Variants in KIF5C observed in about 807,000 individuals in gnomAD.
KIF5C encodes the protein kinesin family member 5C.
Under a neutral mutation model 125.2 loss-of-function variants are expected in KIF5C, and 18 were observed. The observed-to-expected ratio is 0.14, with a 90% CI of 0.10 to 0.21. The LOEUF is 0.21. Among genes scored for constraint, KIF5C ranks in the 10% least tolerant of loss-of-function variants. The probability of loss-of-function intolerance (pLI) is 1.00; values close to 1 mark genes in which losing one functional copy is unlikely to be tolerated. For synonymous variants in KIF5C, 405 were observed against 434.0 expected (o/e 0.93, Z 0.83); for missense variants, 780 against 1,183.8 (o/e 0.66, Z 5.01).
chr2:148,882,680 G>T (rs1205645642), intron 1 of KIF5C, among the ~76,000 whole-genome samples: 1 of 152,056 alleles, frequency 6.6e-6, no homozygotes, highest in African/African-American at 2.4e-5. Context: ...GCTTTGGAAG[G>T]GCATCCATTC....
intron 23 of KIF5C, 83 bp downstream of exon 23, chr2:149,008,150 A>C: frequency 6.9e-7 from 1 of 1,445,670 alleles, no homozygotes; most frequent in African/African-American, 1.4e-5. Context: ...CAGTGTGCGG[A>C]GAAGGCACTG....
intron 4 of KIF5C, among the ~76,000 whole-genome samples, chr2:148,938,064 G>T (rs1402351089): frequency 1.3e-5 from 2 of 152,164 alleles, no homozygotes; most frequent in East Asian, 3.9e-4. Flanking sequence ...TTAAAAGAGA[G>T]ATTTCTACTC....
chr2:148,954,461 T>G (rs1288237570), intron 10 of KIF5C, among the ~76,000 whole-genome samples: 1 of 152,242 alleles, frequency 6.6e-6, no homozygotes, highest in Non-Finnish European at 1.5e-5. Context: ...TTTAGAAGTG[T>G]GAACTCAAAT....
At chr2:148,938,593 C>A (rs1335103552) in intron 4 of KIF5C, among the ~76,000 whole-genome samples, 1 of 152,172 alleles carries the variant, frequency 6.6e-6, no homozygotes. Flanking sequence ...ATTGGCCCAG[C>A]CTACATAGGT....
chr2:148,989,529 A>G (rs1681471061), intron 15 of KIF5C, among the ~76,000 whole-genome samples: 1 of 152,216 alleles, frequency 6.6e-6, no homozygotes, highest in Non-Finnish European at 1.5e-5. Context: ...ATTGAGTGGC[A>G]TATCTACTTT....
At chr2:148,954,755 T>C in intron 10 of KIF5C, among the ~76,000 whole-genome samples, 1 of 152,194 alleles carries the variant, frequency 6.6e-6, no homozygotes, top group East Asian at 1.9e-4. Flanking sequence ...CATCTGCCAG[T>C]TTAGTGGTAG....
At chr2:148,938,336 A>G (rs1003071020) in intron 4 of KIF5C, among the ~76,000 whole-genome samples, 2 of 152,168 alleles carry the variant, frequency 1.3e-5, no homozygotes, top group African/African-American at 2.4e-5. Context: ...GTATAGTTTG[A>G]TGGTTTTTAA....
Position 148,997,274 on chromosome 2 carries a change from C to G in KIF5C, c.2034C>G (p.His678Gln). 6 of 1,612,192 alleles carry G rather than the reference C, an allele frequency of 3.7e-6. No homozygotes were observed. The highest frequency in any genetic ancestry group is 5.1e-6 in the Non-Finnish European group (6 of 1,178,492). Residue 678 changes from histidine (H) to glutamine (Q), a missense_variant, in exon 18 of 26, where the codon CAC becomes CAG. Transcript: ENST00000435030. Reference protein sequence around the residue: ...LAKLRAQEKMHEVSFQDKEKE... With the variant: ...LAKLRAQEKMQEVSFQDKEKE... The stretch of plus-strand genomic sequence containing the variant: ...TAAAATTCAAAACAGAAAAAATGCA[C>G]GAAGTCAGCTTCCAGGATAAGGAGA...
chr2:149,010,076 T>C, intron 23 of KIF5C, 59 bp from the exon 24 acceptor site: 1 of 1,489,920 alleles, frequency 6.7e-7, no homozygotes, highest in Non-Finnish European at 9.0e-7. Context: ...CTGGCTGCTC[T>C]GGTTTGTGCA....
intron 1 of KIF5C, among the ~76,000 whole-genome samples, chr2:148,898,312 A>G (rs1209267688): frequency 6.6e-6 from 1 of 152,184 alleles, no homozygotes; most frequent in Non-Finnish European, 1.5e-5. Flanking sequence ...CAATCATTAA[A>G]TGCAGAGGCC....
intron 16 of KIF5C, among the ~76,000 whole-genome samples, chr2:148,991,844 A>C (rs2105173746): frequency 1.3e-5 from 2 of 152,302 alleles, no homozygotes; most frequent in Middle Eastern, 6.8e-3. Flanking sequence ...GGTACATTTC[A>C]CTTGCCTATT....
chr2:148,902,223 G>A (rs990064183), intron 1 of KIF5C, among the ~76,000 whole-genome samples: 1 of 152,164 alleles, frequency 6.6e-6, no homozygotes, highest in Non-Finnish European at 1.5e-5. Flanking sequence ...TCGTGTTCCT[G>A]GATTCTCTCT....
intron 5 of KIF5C, 40 bp downstream of exon 5, chr2:148,941,698 C>T (rs1051576481): frequency 9.7e-6 from 15 of 1,546,568 alleles, no homozygotes; most frequent in East Asian, 4.8e-5. Flanking sequence ...TGTTCTGTAA[C>T]GAAAGTCCGG....
At chr2:148,948,791 T>C (rs977971251) in intron 8 of KIF5C, among the ~76,000 whole-genome samples, 1 of 152,190 alleles carries the variant, frequency 6.6e-6, no homozygotes, top group African/African-American at 2.4e-5. Flanking sequence ...TTCATGGAGT[T>C]AAGATGCTCA....
rs1681896473 is a variant in KIF5C at position 148,924,074 on chromosome 2, C to T, written c.217+1847C>T. Among the ~76,000 whole-genome samples the T allele has an allele frequency of 6.6e-6, 1 of 152,142 alleles. No homozygotes were observed. The highest frequency in any genetic ancestry group is 1.5e-5 in the Non-Finnish European group (1 of 68,030). On this transcript the variant is annotated intron_variant, in intron 2 of 25. Transcript: ENST00000435030. The surrounding 1 kb of genome is among the most constrained non-coding windows in gnomAD (Gnocchi z 4.0). ...ATCATACATACATGCCTTATTCTCC[C>T]TTAAAAAGGAATTGATGAAGGTCTG...
At chr2:148,962,325 C>T (rs1211795906) in intron 11 of KIF5C, among the ~76,000 whole-genome samples, 2 of 150,992 alleles carry the variant, frequency 1.3e-5, no homozygotes, top group Non-Finnish European at 2.9e-5. Context: ...ACCACCACAC[C>T]TGGCTAATTT....
chr2:148,902,267 C>T lies in KIF5C; in HGVS notation c.127-19870C>T, dbSNP rs144233428. Among the ~76,000 whole-genome samples the T allele has an allele frequency of 1.6e-3, 244 of 152,270 alleles. 3 individuals are homozygous for T. Among genetic ancestry groups the T allele is most frequent in the African/African-American group, 5.2e-3 (216 of 41,546 alleles). ...TCCATTTCTTTGAGTCCTGGGTTCT[C>T]GCCCTGAATGGCTCAACAGGGGGAA... On this transcript the variant is annotated intron_variant, in intron 1 of 25. Transcript: ENST00000435030.
rs578113558 is a variant in KIF5C at position 148,931,392 on chromosome 2, A to G, written c.291+2038A>G. Among the ~76,000 whole-genome samples the G allele has an allele frequency of 1.5e-3, 226 of 152,308 alleles. 1 individual carries two copies. The highest frequency in any genetic ancestry group is 5.2e-3 in the African/African-American group (217 of 41,562). On this transcript the variant is annotated intron_variant, in intron 3 of 25. Coordinates refer to ENST00000435030, the MANE Select transcript of KIF5C (RefSeq NM_004522.3). ...TGGCAAAGAGCTATGCCCGCCCTTT[A>G]AAACTAATATGGGAGGCCAGGCGTG...
chr2:148,923,397 A>T (rs1681867900), intron 2 of KIF5C, among the ~76,000 whole-genome samples: 1 of 152,130 alleles, frequency 6.6e-6, no homozygotes, highest in Admixed American at 6.5e-5. Flanking sequence ...TCACAGTGAG[A>T]TTTTTATAGA....
Sources: allele counts gnomAD v4.1 joint callset (sites outside exome capture counted in the v4.1 genomes callset), GRCh38; gene constraint gnomAD v4.1.1; non-coding constraint Gnocchi (gnomAD v3.1); transcripts MANE v1.5; gene names NCBI Gene and HGNC (gene_info 2026-07-23, HGNC 2026-07-21).